SLC25A10: variants seen among roughly 807,000 people sequenced by gnomAD.
SLC25A10 encodes the protein solute carrier family 25 member 10.
In SLC25A10, 32 loss-of-function variants were observed where a neutral mutation model predicts 40.4. The ratio of observed to expected loss-of-function variants is 0.79; its 90% CI spans 0.60 to 1.06. The LOEUF (loss-of-function observed/expected upper bound fraction) is 1.06, where lower values mean the gene tolerates loss of function less well. Ranked by LOEUF, SLC25A10 falls within the 50% of genes least tolerant of loss-of-function variation. The pLI is 0.00. For missense variants in SLC25A10, 394 were observed against 402.6 expected (o/e 0.98, Z 0.18); for synonymous variants, 181 against 171.1 (o/e 1.06, Z -0.45).
chr17:81,713,907 C>T (rs1253378230), intron 1 of SLC25A10, among the ~76,000 whole-genome samples: 1 of 152,264 alleles, frequency 6.6e-6, no homozygotes, highest in Non-Finnish European at 1.5e-5. Flanking sequence ...GCATATGGCG[C>T]TGTGGTCAGG....
chr17:81,719,800 C>T, intron 9 of SLC25A10, 31 bp from the exon 10 acceptor site: 7 of 1,611,844 alleles, frequency 4.3e-6, no homozygotes, highest in Non-Finnish European at 5.1e-6. Context: ...GAGAAGCAGC[C>T]TTTTTGATTG....
At chr17:81,719,721 C>T in intron 9 of SLC25A10, 110 bp from the exon 10 acceptor site, 2 of 1,294,154 alleles carry the variant, frequency 1.5e-6, no homozygotes, top group Middle Eastern at 2.5e-4. Context: ...ACCCACACCC[C>T]ACATTGAGAA....
Position 81,717,080 on chromosome 17 carries a change from T to G in SLC25A10, c.534+8T>G, listed in dbSNP as rs1445687914. The G allele has an allele frequency of 6.2e-7, 1 of 1,613,240 alleles. No homozygotes were observed. Among genetic ancestry groups the G allele is most frequent in the Non-Finnish European group, 8.5e-7 (1 of 1,179,728 alleles). On this transcript the variant is annotated splice_region_variant and intron_variant, in intron 7 of 10. Coordinates refer to ENST00000350690, the MANE Select transcript of SLC25A10 (RefSeq NM_012140.5). ...TTAGTCACTGTGGGCCAGGTAGGCC[T>G]CCTGCGTGGGGTGGGTGTGGGCAGT...
intron 5 of SLC25A10, 106 bp from the exon 6 acceptor site, chr17:81,716,706 C>A: frequency 8.5e-7 from 1 of 1,183,134 alleles, no homozygotes; most frequent in Non-Finnish European, 1.2e-6. Context: ...CCCATGAGGC[C>A]TCTGCTTCCT....
rs755551731 is a variant in SLC25A10 at position 81,720,673 on chromosome 17, T to C, written c.*596T>C. On this transcript the variant is annotated 3_prime_UTR_variant, in exon 11 of 11. Transcript: ENST00000350690. ...GTGGCCCAGGGTGGTTCTGGAGCCA[T>C]TGTGGGTGAGGGTCGAGGGCCACCG... is the stretch of plus-strand genomic sequence containing the variant. The C allele has an allele frequency of 1.9e-6, 1 of 540,518 alleles. No individual in the cohort carries two copies. The highest frequency in any genetic ancestry group is 2.8e-6 in the Non-Finnish European group (1 of 354,400). The allele number at this position is 540,518 out of a possible 1,614,324, so 33.5% of individuals were successfully genotyped here.
In SLC25A10 at chr17:81,717,938, G is replaced by A. The variant is rs991762144; in HGVS notation, c.705+77G>A. 1.7e-5 allele frequency: 19 copies of A among 1,111,930 alleles called. No homozygotes were observed. The African/African-American group carries it at 1.9e-4, about 11-fold the overall frequency. The allele number at this position is 1,111,930 out of a possible 1,614,324, so 68.9% of individuals were successfully genotyped here. ...TCACCTCTCCGGGGGGTGGACACTC[G>A]CACTGGGGACCCGGGGAAGGGTGTC... is the stretch of plus-strand genomic sequence containing the variant. On this transcript the variant is annotated intron_variant, in intron 9 of 10. Transcript: ENST00000350690.
At chr17:81,713,592 C>G in intron 1 of SLC25A10, 1 of 646,634 alleles carries the variant, frequency 1.5e-6, no homozygotes, top group Non-Finnish European at 1.9e-6. Flanking sequence ...CAGGCAGCCA[C>G]GGCCAGTGAG....
chr17:81,716,880 G>T, intron 6 of SLC25A10, 25 bp downstream of exon 6: 1 of 1,610,120 alleles, frequency 6.2e-7, no homozygotes. Flanking sequence ...CTGTGCACAG[G>T]CAGGGTTCTG....
chr17:81,720,831 C>T lies in SLC25A10; in HGVS notation c.*754C>T, dbSNP rs536578570. ...TCCCTCGGGCACCTGGGCCCCCCCG[C>T]TTGGCTCCCTGGGGGAATGGCCCAG... is the stretch of plus-strand genomic sequence containing the variant. On this transcript the variant is annotated 3_prime_UTR_variant, in exon 11 of 11. Transcript: ENST00000350690. The T allele has an allele frequency of 1.8e-5, 4 of 223,044 alleles. No individual in the cohort carries two copies. The South Asian group carries it at 5.5e-4, about 31-fold the overall frequency. 13.8% of individuals were successfully genotyped at this position (223,044 alleles called of 1,614,324 possible).
At position 81,717,458 on chromosome 17, in the gene SLC25A10, C is replaced by A. The variant is rs776246803; in HGVS notation, c.594C>A (p.Asn198Lys). The A allele has an allele frequency of 2.5e-6, 4 of 1,613,560 alleles. No individual in the cohort carries two copies. Among genetic ancestry groups the A allele is most frequent in the Middle Eastern group, 1.6e-4 (1 of 6,084 alleles). ...TTAGCACCGGGTACCTCTCTGACAA[C>A]ATCTTCACTCACTTTGTCGCCAGCT... ...LVLSTGYLSDNIFTHFVASFI... is the reference protein window; with the variant it reads ...LVLSTGYLSDKIFTHFVASFI... The change falls in exon 8 of 11, where the codon AAC (asparagine) becomes AAA (lysine). Residue 198 changes from asparagine (N) to lysine (K), a missense_variant. Asn to Lys is a moderately conservative substitution (Grantham distance 94). Coordinates refer to ENST00000350690, the MANE Select transcript of SLC25A10 (RefSeq NM_012140.5).
chr17:81,715,418 T>C (rs932060817), intron 2 of SLC25A10, 60 bp from the exon 3 acceptor site: 13 of 1,433,622 alleles, frequency 9.1e-6, no homozygotes, highest in Non-Finnish European at 1.3e-5. Context: ...CTGGGCCGGG[T>C]GGCGAGGCTG....
rs1398156073 is a variant in SLC25A10 at position 81,712,337 on chromosome 17, G to A, written c.-90G>A. 4.5e-5 allele frequency: 41 copies of A among 903,248 alleles called. No individual in the cohort carries two copies. Among genetic ancestry groups the A allele is most frequent in the Non-Finnish European group, 5.5e-5 (39 of 704,378 alleles). The allele number at this position is 903,248 out of a possible 1,614,324, so 56.0% of individuals were successfully genotyped here. On this transcript the variant is annotated 5_prime_UTR_variant, in exon 1 of 11. Transcript: ENST00000350690. ...GGGCGGCGCTTTGAACCGGGCGCGG[G>A]GCGCGGGGCGCGGGGCGCTGCGGCC... is the stretch of plus-strand genomic sequence containing the variant.
In SLC25A10 at chr17:81,716,816, G is replaced by T; in HGVS notation, c.424G>T (p.Ala142Ser). The T allele has an allele frequency of 6.2e-7, 1 of 1,608,318 alleles. No homozygotes were observed. Among genetic ancestry groups the T allele is most frequent in the Admixed American group, 1.7e-5 (1 of 59,256 alleles). ...KLPQGQRRNY[A>S]HALDGLYRVA... is the part of the protein sequence containing the mutation. ...GTCATTCTGTGTCCCCGGCAGCTAC[G>T]CCCATGCGCTGGATGGCCTGTACCG... Residue 142 changes from alanine (A) to serine (S), a missense_variant, in exon 6 of 11, where the codon GCC (alanine) becomes TCC (serine). Ala to Ser is a moderately conservative substitution (Grantham distance 99, BLOSUM62 1). Coordinates refer to ENST00000350690, the MANE Select transcript of SLC25A10 (RefSeq NM_012140.5).
intron 2 of SLC25A10, 48 bp downstream of exon 2, chr17:81,715,120 T>C: frequency 6.3e-7 from 1 of 1,594,410 alleles, no homozygotes; most frequent in Non-Finnish European, 8.5e-7. Flanking sequence ...GGCTGAGTCC[T>C]GCAGTGGCAT....
chr17:81,718,577 C>T (rs759286534), intron 9 of SLC25A10, among the ~76,000 whole-genome samples: 3 of 151,938 alleles, frequency 2.0e-5, no homozygotes, highest in Admixed American at 6.6e-5. Flanking sequence ...ATCCCTTGAG[C>T]CCAGGATGTC....
chr17:81,716,750 G>A, intron 5 of SLC25A10, 62 bp from the exon 6 acceptor site: 2 of 1,545,608 alleles, frequency 1.3e-6, no homozygotes, highest in South Asian at 2.4e-5. Context: ...GGCCTGGGAG[G>A]ACCCTCTGTG....
At chr17:81,715,954 G>C in intron 4 of SLC25A10, 55 bp from the exon 5 acceptor site, 1 of 1,544,310 alleles carries the variant, frequency 6.5e-7, no homozygotes, top group South Asian at 1.2e-5. Flanking sequence ...GTGCTGCCAG[G>C]GCTGCCCATG....
At chr17:81,719,767 G>T (rs2037554374) in intron 9 of SLC25A10, 64 bp from the exon 10 acceptor site, 38 of 1,596,274 alleles carry the variant, frequency 2.4e-5, no homozygotes, top group Non-Finnish European at 3.2e-5. Flanking sequence ...TGCCTGGGAG[G>T]GGATTTTCGT....
At chr17:81,715,782 C>T (rs1176304035) in intron 4 of SLC25A10, 41 bp downstream of exon 4, 1 of 1,611,524 alleles carries the variant, frequency 6.2e-7, no homozygotes, top group Admixed American at 1.7e-5. Flanking sequence ...CAGGGGCTTT[C>T]TTGTCCCCAG....
Sources: gnomAD v4.1 joint callset for allele counts (sites outside exome capture counted in the v4.1 genomes callset) on GRCh38, gnomAD v4.1.1 for gene constraint, MANE v1.5 for transcripts, NCBI Gene and HGNC (gene_info 2026-07-23, HGNC 2026-07-21) for gene names.